SYNPO2: variants seen among roughly 807,000 people sequenced by gnomAD.
The protein encoded by SYNPO2 is synaptopodin 2, also known as synaptopodin-2.
In SYNPO2, 56 loss-of-function variants were observed where a neutral mutation model predicts 85.0. The ratio of observed to expected loss-of-function variants is 0.66; its 90% CI spans 0.53 to 0.82. The LOEUF (loss-of-function observed/expected upper bound fraction) is 0.82. Among genes scored for constraint, SYNPO2 ranks in the 40% least tolerant of loss-of-function variants. SYNPO2 has a pLI of 0.00. For synonymous variants in SYNPO2, 602 were observed against 591.1 expected, an observed-to-expected ratio of 1.02 and a Z score of -0.27; for missense variants, 1,575 against 1,534.2, an observed-to-expected ratio of 1.03 and a Z score of -0.44.
intron 4 of SYNPO2, chr4:119,037,246 C>G (rs546876559): frequency 6.7e-7 from 1 of 1,487,270 alleles, no homozygotes; most frequent in East Asian, 2.5e-5. Flanking sequence ...ATCCTGCTTT[C>G]ACATCTCCTA....
In SYNPO2 at chr4:118,904,679, C is replaced by G. The variant is rs1219043421; in HGVS notation, c.105+15538C>G. Among the ~76,000 whole-genome samples the G allele has an allele frequency of 1.3e-5, 2 of 151,932 alleles. 1 individual carries two copies. Among genetic ancestry groups the G allele is most frequent in the African/African-American group, 4.8e-5 (2 of 41,352 alleles). ...TCTTCTAAATTACAAGACCTTATTACTATATAAGGCTGCTTTTTCTAAGTA... is the reference window on the plus strand; with the variant it reads ...TCTTCTAAATTACAAGACCTTATTAGTATATAAGGCTGCTTTTTCTAAGTA... On this transcript the variant is annotated intron_variant, in intron 1 of 4. Coordinates refer to ENST00000307142, the MANE Select transcript of SYNPO2 (RefSeq NM_133477.3).
At chr4:118,912,623 T>G (rs1225479766) in intron 1 of SYNPO2, among the ~76,000 whole-genome samples, 1 of 152,198 alleles carries the variant, frequency 6.6e-6, no homozygotes, top group East Asian at 1.9e-4. Context: ...TTCTATAAAT[T>G]CTAACCATTT....
Position 118,999,339 on chromosome 4 carries a change from A to G in SYNPO2, c.106-24091A>G, listed in dbSNP as rs143931047. Among the ~76,000 whole-genome samples, 1,272 of 151,694 alleles carry G rather than the reference A, an allele frequency of 8.4e-3. 29 individuals carry two copies. Among genetic ancestry groups the G allele is most frequent in the East Asian group, 0.073 (375 of 5,128 alleles). ...AATTTTTTTTTAATTTTTTGTAGAG[A>G]CGGGGTTTCATCATGTTGTCCAGGC... On this transcript the variant is annotated intron_variant, in intron 1 of 4. Coordinates refer to ENST00000307142, the MANE Select transcript of SYNPO2 (RefSeq NM_133477.3).
intron 4 of SYNPO2, 137 bp from the exon 5 acceptor site, chr4:119,057,264 C>A (rs1242766118): frequency 2.0e-6 from 2 of 1,018,680 alleles, no homozygotes; most frequent in African/African-American, 1.7e-5. Context: ...TAAGACTAAG[C>A]ATTCTGGGGG....
intron 1 of SYNPO2, among the ~76,000 whole-genome samples, chr4:119,015,441 G>T (rs112815982): frequency 6.6e-6 from 1 of 152,032 alleles, no homozygotes; most frequent in Admixed American, 6.6e-5. Context: ...CATATGTCTA[G>T]AGCTATAGAA....
At chr4:119,032,142 T>C (rs1319892840) in intron 4 of SYNPO2, 115 bp downstream of exon 4, 2 of 1,497,918 alleles carry the variant, frequency 1.3e-6, no homozygotes, top group East Asian at 2.5e-5. Context: ...CCTAGCAAAG[T>C]CCTCAACTTA....
chr4:118,946,272 A>G (rs1202966826), intron 1 of SYNPO2, among the ~76,000 whole-genome samples: 17 of 152,192 alleles, frequency 1.1e-4, no homozygotes, highest in Admixed American at 7.9e-4. Context: ...ACCGTAATGT[A>G]TATGGTTTTA....
At chr4:119,006,438 G>A (rs1737033616) in intron 1 of SYNPO2, 1 of 152,176 alleles carries the variant, frequency 6.6e-6, no homozygotes, top group Non-Finnish European at 1.5e-5. Context: ...TCTCATGGAA[G>A]CCTTGGGGAT....
At chr4:118,964,811 A>G (rs1735250591) in intron 1 of SYNPO2, among the ~76,000 whole-genome samples, 1 of 152,172 alleles carries the variant, frequency 6.6e-6, no homozygotes, top group Admixed American at 6.5e-5. Flanking sequence ...ACAAACAAGA[A>G]AACCCCTGCT....
chr4:118,989,963 C>T (rs1336871286), intron 1 of SYNPO2, among the ~76,000 whole-genome samples: 1 of 152,148 alleles, frequency 6.6e-6, no homozygotes, highest in Non-Finnish European at 1.5e-5. Flanking sequence ...TTCATGAATA[C>T]AGAGATGAAT....
chr4:118,988,810 TG>T (rs1186381535), intron 1 of SYNPO2, among the ~76,000 whole-genome samples: 1 of 152,146 alleles, frequency 6.6e-6, no homozygotes, highest in Non-Finnish European at 1.5e-5. Context: ...CTGCGAAGGT[TG>T]GTGGCCAAGG....
intron 1 of SYNPO2, among the ~76,000 whole-genome samples, chr4:118,997,195 C>G (rs547760451): frequency 5.8e-5 from 8 of 138,618 alleles, no homozygotes; most frequent in South Asian, 2.3e-4. Context: ...AGCCGAGATC[C>G]CGCCACTGCA....
intron 1 of SYNPO2, among the ~76,000 whole-genome samples, chr4:118,934,511 C>A (rs186345873): frequency 2.6e-5 from 4 of 152,254 alleles, no homozygotes; most frequent in Non-Finnish European, 5.9e-5. Context: ...TCACCCCAAC[C>A]CAATCACTGT....
At chr4:118,910,427 T>C (rs1015280087) in intron 1 of SYNPO2, among the ~76,000 whole-genome samples, 19 of 152,380 alleles carry the variant, frequency 1.2e-4, no homozygotes, top group African/African-American at 3.4e-4. Context: ...TTTCCATTTT[T>C]ACAGCTTTCA....
Position 119,058,008 on chromosome 4 carries a change from T to C in SYNPO2, c.*74T>C, listed in dbSNP as rs1739271462. On this transcript the variant is annotated 3_prime_UTR_variant, in exon 5 of 5. Transcript: ENST00000307142. ...GCTCCTTTGTAGGGTTTTAAACTTT[T>C]CTAATAGATTTAGATTCACTTTTGG... 1 of 1,472,780 alleles carries C rather than the reference T, an allele frequency of 6.8e-7. No homozygotes were observed. Among genetic ancestry groups the C allele is most frequent in the Non-Finnish European group, 9.1e-7 (1 of 1,098,352 alleles). The allele number at this position is 1,472,780 out of a possible 1,614,324, so 91.2% of individuals were successfully genotyped here.
chr4:118,968,411 A>G (rs139069174), intron 1 of SYNPO2, among the ~76,000 whole-genome samples: 2 of 152,310 alleles, frequency 1.3e-5, no homozygotes, highest in Non-Finnish European at 2.9e-5. Context: ...CTGTTTCACC[A>G]TTAACCATTT....
At chr4:119,026,093 T>C (rs1298287019) in intron 2 of SYNPO2, among the ~76,000 whole-genome samples, 1 of 152,214 alleles carries the variant, frequency 6.6e-6, no homozygotes, top group African/African-American at 2.4e-5. Context: ...GGTCCACTTA[T>C]TACGAAACAC....
At chr4:118,924,295 C>T (rs1276080699) in intron 1 of SYNPO2, among the ~76,000 whole-genome samples, 2 of 152,026 alleles carry the variant, frequency 1.3e-5, no homozygotes, top group East Asian at 1.9e-4. Flanking sequence ...TACAATTGGC[C>T]GGAAAGGGTC....
rs1055244176 is a variant in SYNPO2, at chr4:119,033,490, A to G, written c.3252+1463A>G. 8.1e-6 allele frequency: 8 copies of G among 985,300 alleles called. No homozygotes were observed. The African/African-American group carries it at 1.0e-4, about 13-fold the overall frequency. The allele number at this position is 985,300 out of a possible 1,614,324, so 61.0% of individuals were successfully genotyped here. On this transcript the variant is annotated intron_variant, in intron 4 of 4. Coordinates refer to ENST00000307142, the MANE Select transcript of SYNPO2 (RefSeq NM_133477.3). ...ATTTTAAGTCTGAGTCTGACCAACC[A>G]TGGAAAATATTCGACATGAATTAAT...
Sources: allele counts gnomAD v4.1 joint callset (sites outside exome capture counted in the v4.1 genomes callset), GRCh38; gene constraint gnomAD v4.1.1; transcripts MANE v1.5; gene names NCBI Gene and HGNC (gene_info 2026-07-23, HGNC 2026-07-21).